Variants in NPLOC4 observed in about 807,000 individuals in gnomAD.
The protein encoded by NPLOC4 is NPL4 homolog, ubiquitin recognition factor.
Under a neutral mutation model 80.6 loss-of-function variants are expected in NPLOC4, and 18 were observed. The ratio of observed to expected loss-of-function variants is 0.22; its 90% confidence interval spans 0.15 to 0.33. The LOEUF is 0.33. Ranked by LOEUF, NPLOC4 falls within the 10% of genes least tolerant of loss-of-function variation. The pLI is 1.00. For missense variants in NPLOC4, 540 were observed against 786.1 expected (o/e 0.69, Z 3.74); for synonymous variants, 313 against 301.5 (o/e 1.04, Z -0.39).
intron 12 of NPLOC4, among the ~76,000 whole-genome samples, chr17:81,582,684 T>C (rs989380490): frequency 6.6e-6 from 1 of 152,190 alleles, no homozygotes; most frequent in African/African-American, 2.4e-5. Flanking sequence ...ATTACAAGTG[T>C]GAGCCACCAC....
At chr17:81,588,822 G>A (rs2034658762) in intron 12 of NPLOC4, 122 bp downstream of exon 12, 4 of 797,786 alleles carry the variant, frequency 5.0e-6, no homozygotes. Flanking sequence ...TTAGTGACAA[G>A]CAGGGTTCAA....
At chr17:81,626,551 C>G (rs897340839) in intron 2 of NPLOC4, among the ~76,000 whole-genome samples, 2 of 152,082 alleles carry the variant, frequency 1.3e-5, no homozygotes, top group Non-Finnish European at 2.9e-5. Context: ...TTCAAATGCT[C>G]AACAGGACCA....
chr17:81,566,646 C>T (rs1286458496), intron 15 of NPLOC4: 1 of 152,230 alleles, frequency 6.6e-6, no homozygotes, highest in South Asian at 2.1e-4. Flanking sequence ...TAGCAGGATA[C>T]AAGAACAGCT....
intron 12 of NPLOC4, among the ~76,000 whole-genome samples, chr17:81,579,862 ATGTGAGCTCACCCCCCATTCTCCTC>A (rs545627936): frequency 0.081 from 12,331 of 151,424 alleles, 598 homozygotes; most frequent in Middle Eastern, 0.17. Flanking sequence ...CAGCTTGCTG[ATGTGAGCTCACCCCCCATTCTCCTC>A]TGTGAGCTCA....
chr17:81,632,160 G>C (rs1442036853), intron 1 of NPLOC4, among the ~76,000 whole-genome samples: 1 of 151,056 alleles, frequency 6.6e-6, no homozygotes, highest in Non-Finnish European at 1.5e-5. Flanking sequence ...ATTTTTAGTA[G>C]AGACGGGGTT....
intron 8 of NPLOC4, among the ~76,000 whole-genome samples, chr17:81,600,922 A>C (rs1262475672): frequency 6.6e-6 from 1 of 152,208 alleles, no homozygotes; most frequent in Non-Finnish European, 1.5e-5. Context: ...CACAGCTAAG[A>C]TACTCAGTTA....
chr17:81,619,417 C>T (rs2035601853), intron 3 of NPLOC4, among the ~76,000 whole-genome samples: 1 of 151,564 alleles, frequency 6.6e-6, no homozygotes, highest in South Asian at 2.1e-4. Flanking sequence ...GGCGTGGTGG[C>T]ACATGCCTGT....
chr17:81,569,693 G>C (rs1286176742), intron 13 of NPLOC4, among the ~76,000 whole-genome samples: 1 of 152,216 alleles, frequency 6.6e-6, no homozygotes, highest in Admixed American at 6.5e-5. Flanking sequence ...TAAGGCCCTT[G>C]AGGAACACAG....
chr17:81,583,410 G>A (rs1218695612), intron 12 of NPLOC4, among the ~76,000 whole-genome samples: 1 of 152,198 alleles, frequency 6.6e-6, no homozygotes, highest in African/African-American at 2.4e-5. Context: ...AAGGAAACAA[G>A]AACTCTACCA....
intron 7 of NPLOC4, among the ~76,000 whole-genome samples, chr17:81,605,885 G>C (rs901660575): frequency 1.3e-5 from 2 of 150,536 alleles, no homozygotes; most frequent in Admixed American, 6.6e-5. Flanking sequence ...GCAGTGGCGT[G>C]ATTTTGGCTC....
chr17:81,612,713 T>C (rs1253278896), intron 4 of NPLOC4: 4 of 124,432 alleles, frequency 3.2e-5, no homozygotes, highest in South Asian at 5.8e-4. Context: ...TTAAAAGGAA[T>C]TGCAAAAAAT....
chr17:81,612,016 A>C (rs1408516058), intron 4 of NPLOC4, among the ~76,000 whole-genome samples: 1 of 152,068 alleles, frequency 6.6e-6, no homozygotes, highest in Non-Finnish European at 1.5e-5. Context: ...TGGTACGTGA[A>C]CATGGCAAAG....
At chr17:81,583,242 G>A (rs1266002687) in intron 12 of NPLOC4, among the ~76,000 whole-genome samples, 4 of 152,246 alleles carry the variant, frequency 2.6e-5, no homozygotes, top group Admixed American at 2.6e-4. Flanking sequence ...AGGATGTATA[G>A]GGTGTTAAAT....
At chr17:81,595,172 A>G (rs1473683336) in intron 11 of NPLOC4, among the ~76,000 whole-genome samples, 1 of 152,030 alleles carries the variant, frequency 6.6e-6, no homozygotes, top group African/African-American at 2.4e-5. Context: ...CTATGATTAC[A>G]GATGTTGTAA....
At chr17:81,612,894 C>T (rs573746451) in intron 4 of NPLOC4, 6 of 156,974 alleles carry the variant, frequency 3.8e-5, no homozygotes, top group Admixed American at 6.4e-5. Context: ...AGAGACACAG[C>T]ACTCACCTCA....
At chr17:81,584,047 C>A (rs1002259531) in intron 12 of NPLOC4, among the ~76,000 whole-genome samples, 8 of 152,186 alleles carry the variant, frequency 5.3e-5, no homozygotes, top group Admixed American at 1.3e-4. Flanking sequence ...CAGGGCTTTT[C>A]AATTGTTTCC....
At chr17:81,610,905 T>C (rs1383940112) in intron 4 of NPLOC4, among the ~76,000 whole-genome samples, 1 of 120,444 alleles carries the variant, frequency 8.3e-6, no homozygotes, top group Non-Finnish European at 1.9e-5. Flanking sequence ...TGAGCCGAGA[T>C]TGCGCCACTG....
intron 12 of NPLOC4, among the ~76,000 whole-genome samples, chr17:81,582,545 G>A (rs1017164206): frequency 1.3e-5 from 2 of 152,156 alleles, no homozygotes; most frequent in African/African-American, 4.8e-5. Flanking sequence ...GGGACCACAG[G>A]CTCATGACAC....
chr17:81,594,893 G>GACTGC (rs2144167951), intron 11 of NPLOC4, among the ~76,000 whole-genome samples: 2 of 151,938 alleles, frequency 1.3e-5, no homozygotes, highest in South Asian at 4.2e-4. Flanking sequence ...AGTGAGCTAT[G>GACTGC]ACTGCACCAC....
Sources: gnomAD v4.1 joint callset for allele counts (sites outside exome capture counted in the v4.1 genomes callset) on GRCh38, gnomAD v4.1.1 for gene constraint, MANE v1.5 for transcripts, NCBI Gene and HGNC (gene_info 2026-07-23, HGNC 2026-07-21) for gene names.